The following RMND5B variants were observed in gnomAD, a reference collection of about 807,000 sequenced individuals.
RMND5B encodes the protein required for meiotic nuclear division 5 homolog B.
Under a neutral mutation model 50.4 loss-of-function variants are expected in RMND5B, and 42 were observed. The observed-to-expected ratio is 0.83, with a 90% confidence interval of 0.65 to 1.08. The LOEUF (loss-of-function observed/expected upper bound fraction) is 1.08. Among genes scored for constraint, RMND5B ranks in the 50% least tolerant of loss-of-function variants. The pLI is 0.00. For synonymous variants in RMND5B, 220 were observed against 210.0 expected (o/e 1.05, Z -0.41); for missense variants, 463 against 508.5 (o/e 0.91, Z 0.86).
intron 2 of RMND5B, among the ~76,000 whole-genome samples, chr5:178,136,877 G>A (rs1219341973): frequency 6.6e-6 from 1 of 152,182 alleles, no homozygotes; most frequent in South Asian, 2.1e-4. Flanking sequence ...GTAGGGAGAG[G>A]AGATAGGACA....
rs569540202 is a variant in RMND5B, at chr5:178,142,504, T to G, written c.140-79T>G. ...CCTCCTGGGCTACGGGGCTGGCATT[T>G]AGAATAGAGCTAAGGTCTGCTGCCA... On this transcript the variant is annotated intron_variant, in intron 3 of 10. Transcript: ENST00000313386. 3 of 1,494,964 alleles carry G rather than the reference T, an allele frequency of 2.0e-6. No individual in the cohort carries two copies. In the African/African-American group the frequency reaches 4.2e-5, roughly 21 times the overall value. The allele number at this position is 1,494,964 out of a possible 1,614,324, so 92.6% of individuals were successfully genotyped here. A position where few individuals can be genotyped will look rare whatever the true frequency, so the allele number is the denominator to read the frequency against.
chr5:178,142,190 G>T, intron 3 of RMND5B: 1 of 176,784 alleles, frequency 5.7e-6, no homozygotes, highest in Non-Finnish European at 1.2e-5. Flanking sequence ...ATTTCTTCTG[G>T]TATATCCTTC....
chr5:178,148,157 G>C lies in RMND5B; in HGVS notation c.*125G>C. Reference sequence around the variant, plus strand: ...GAGCGCCTGGCTGAGGAGTTCCACTGAGGGGAGCACTGGAGCAGCCCTTTG... The same window carrying C: ...GAGCGCCTGGCTGAGGAGTTCCACTCAGGGGAGCACTGGAGCAGCCCTTTG... On this transcript the variant is annotated 3_prime_UTR_variant, in exon 11 of 11. Coordinates refer to ENST00000313386, the MANE Select transcript of RMND5B (RefSeq NM_022762.5). 1 of 917,872 alleles carries C rather than the reference G, an allele frequency of 1.1e-6. No homozygotes were observed. Among genetic ancestry groups the C allele is most frequent in the Non-Finnish European group, 1.7e-6 (1 of 574,834 alleles). 56.9% of individuals were successfully genotyped at this position (917,872 alleles called of 1,614,324 possible).
Position 178,150,400 on chromosome 5 carries a change from A to G in RMND5B, c.*2368A>G. ...CCAGCCTCTATTTTTTTTTTTTGAG[A>G]CAGGGCCTCACTCTGTCATGCAGTC... On this transcript the variant is annotated 3_prime_UTR_variant, in exon 11 of 11. Transcript: ENST00000313386. 1 of 253,440 alleles carries G rather than the reference A, an allele frequency of 3.9e-6. No homozygotes were observed. 15.7% of individuals were successfully genotyped at this position (253,440 alleles called of 1,614,324 possible). A position where few individuals can be genotyped will look rare whatever the true frequency, so the allele number is the denominator to read the frequency against.
Position 178,138,270 on chromosome 5 carries a change from C to G in RMND5B, c.139+12C>G. On this transcript the variant is annotated intron_variant, in intron 3 of 10. Coordinates refer to ENST00000313386, the MANE Select transcript of RMND5B (RefSeq NM_022762.5). The surrounding 1 kb of genome is among the most constrained non-coding windows in gnomAD (Gnocchi z 5.1). ...GCTGGCCAGCGCAGGTGGGTGGCCA[C>G]CCTTGCAAGTGCCCTGCGACAGCCT... 1 of 1,611,822 alleles carries G rather than the reference C, an allele frequency of 6.2e-7. No individual in the cohort carries two copies. Among genetic ancestry groups the G allele is most frequent in the African/African-American group, 1.3e-5 (1 of 74,990 alleles).
rs746899166 is a variant in RMND5B at position 178,144,004 on chromosome 5, A to T, written c.590A>T (p.His197Leu). 3.3e-5 allele frequency: 54 copies of T among 1,614,126 alleles called. No homozygotes were observed. Among genetic ancestry groups the T allele is most frequent in the Non-Finnish European group, 4.4e-5 (52 of 1,180,038 alleles). Residue 197 changes from histidine to leucine, a missense_variant, in exon 7 of 11, where the codon CAC (histidine) becomes CTC (leucine). Transcript: ENST00000313386. ...AACAGCTCCCTGGAGTTCAAGCTGC[A>T]CCGACTGCACTTCATCCGCCTCTTG... ...ELNSSLEFKL[H>L]RLHFIRLLAG...
rs1758682332 is a variant in RMND5B at position 178,137,536 on chromosome 5, T to G, written c.-12-572T>G. On this transcript the variant is annotated intron_variant, in intron 2 of 10. Transcript: ENST00000313386. This position sits in a 1 kb window ranked among gnomAD's most constrained non-coding sequence, Gnocchi z 4.4. ...GACCCGTCTCTACGAAAAAAAATTT[T>G]AAATTAGACAGGTGTAGAAGCACAC... Among the ~76,000 whole-genome samples the G allele has an allele frequency of 6.6e-6, 1 of 151,966 alleles. No homozygotes were observed. The highest frequency in any genetic ancestry group is 1.9e-4 in the East Asian group (1 of 5,156).
At chr5:178,147,346 TAG>T (rs1756067238) in intron 8 of RMND5B, 185 bp from the exon 9 acceptor site, 1 of 599,382 alleles carries the variant, frequency 1.7e-6, no homozygotes, top group Non-Finnish European at 3.0e-6. Flanking sequence ...AATGAGTCTG[TAG>T]AGTCAGACAT....
chr5:178,135,291 A>T, intron 2 of RMND5B: 1 of 222,046 alleles, frequency 4.5e-6, no homozygotes, highest in South Asian at 4.1e-5. Flanking sequence ...CTGGGACCAC[A>T]GGCGTGTGCC....
intron 7 of RMND5B, 53 bp from the exon 8 acceptor site, chr5:178,146,061 G>T: frequency 2.5e-6 from 4 of 1,589,068 alleles, no homozygotes; most frequent in Non-Finnish European, 3.4e-6. Flanking sequence ...CCCGCTTGGG[G>T]GTGGACCCAG....
chr5:178,135,091 T>G (rs1047607634), intron 2 of RMND5B: 1 of 156,286 alleles, frequency 6.4e-6, no homozygotes, highest in Non-Finnish European at 1.4e-5. Context: ...GTCCCTATTC[T>G]TCCCCTCTCT....
rs776704717 is a variant in RMND5B at position 178,148,072 on chromosome 5, C to T, written c.*40C>T. ...GAATTTTGTTGAAAGGGGTTTTCAC[C>T]TGTGAGCCTTGGTCTGTCTCGGTAG... On this transcript the variant is annotated 3_prime_UTR_variant, in exon 11 of 11. Coordinates refer to ENST00000313386, the MANE Select transcript of RMND5B (RefSeq NM_022762.5). The T allele has an allele frequency of 4.4e-6, 7 of 1,595,388 alleles. No homozygotes were observed. The highest frequency in any genetic ancestry group is 6.0e-6 in the Non-Finnish European group (7 of 1,163,096).
At position 178,138,660 on chromosome 5, in the gene RMND5B, G is replaced by A. The variant is rs1430122854; in HGVS notation, c.139+402G>A. ...ATTATATGCGTGAGCCACCATGCCT[G>A]GCCTATTTTTAGCTTTTAAGATTTT... On this transcript the variant is annotated intron_variant, in intron 3 of 10. Coordinates refer to ENST00000313386, the MANE Select transcript of RMND5B (RefSeq NM_022762.5). This position sits in a 1 kb window ranked among gnomAD's most constrained non-coding sequence, Gnocchi z 5.1. Among the ~76,000 whole-genome samples, 1 of 151,500 alleles carries A rather than the reference G, an allele frequency of 6.6e-6. No individual in the cohort carries two copies. The highest frequency in any genetic ancestry group is 1.5e-5 in the Non-Finnish European group (1 of 67,926).
intron 2 of RMND5B, among the ~76,000 whole-genome samples, chr5:178,132,853 T>G (rs979907418): frequency 2.3e-4 from 32 of 138,050 alleles, no homozygotes; most frequent in East Asian, 1.3e-3. Flanking sequence ...CTAATCTTTT[T>G]TTTTTGTTTT....
chr5:178,147,586 T>C lies in RMND5B; in HGVS notation c.914T>C (p.Ile305Thr). The change falls in exon 9 of 11, where the codon ATT (isoleucine) becomes ACT (threonine). Residue 305 changes from isoleucine (I) to threonine (T), a missense_variant. Ile to Thr is a moderately conservative substitution (Grantham distance 89, BLOSUM62 -1). Coordinates refer to ENST00000313386, the MANE Select transcript of RMND5B (RefSeq NM_022762.5). ...LPVLMNIKAV[I>T]EQRQCTGVWN... ...GTGTTGATGAACATCAAGGCTGTGA[T>C]TGAGCAGCGGCAGTGCACTGGGGTC... is the stretch of plus-strand genomic sequence containing the variant. The C allele has an allele frequency of 1.9e-6, 3 of 1,614,184 alleles. No individual in the cohort carries two copies. The highest frequency in any genetic ancestry group is 8.5e-7 in the Non-Finnish European group (1 of 1,180,030).
At position 178,143,723 on chromosome 5, in the gene RMND5B, T is replaced by C. The variant is rs769134484; in HGVS notation, c.523T>C (p.Leu175=). The C allele has an allele frequency of 6.2e-7, 1 of 1,612,680 alleles. No individual in the cohort carries two copies. The highest frequency in any genetic ancestry group is 8.5e-7 in the Non-Finnish European group (1 of 1,178,646). Reference sequence around the variant, plus strand: ...GCACGAACAAGACCTGGGTCCTGCGTTGGAGTAAGGAGGCCCTTGGGTGGG... The same window carrying C: ...GCACGAACAAGACCTGGGTCCTGCGCTGGAGTAAGGAGGCCCTTGGGTGGG... The part of the protein sequence containing the change: ...ALHEQDLGPA[L]EWAVSHRQRL... Residue 175 remains leucine (L), a synonymous_variant, in exon 6 of 11, where the codon TTG becomes CTG. Coordinates refer to ENST00000313386, the MANE Select transcript of RMND5B (RefSeq NM_022762.5).
intron 7 of RMND5B, among the ~76,000 whole-genome samples, chr5:178,144,654 C>T (rs13175750): frequency 0.19 from 27,824 of 150,000 alleles, 2,808 homozygotes; most frequent in East Asian, 0.27. Flanking sequence ...TGGCATGAAC[C>T]CGGGAGGCGG....
rs1000188177 is a variant in RMND5B at position 178,150,382 on chromosome 5, CTATT to C, written c.*2352_*2355del. 2 of 258,324 alleles carry C rather than the reference CTATT, an allele frequency of 7.7e-6. No individual in the cohort carries two copies. Among genetic ancestry groups the C allele is most frequent in the South Asian group, 3.8e-5 (1 of 26,228 alleles). The allele number at this position is 258,324 out of a possible 1,614,324, so 16.0% of individuals were successfully genotyped here. Reference sequence around the variant, plus strand: ...GGTACCCAAGATCCACCCCCAGCCTCTATTTTTTTTTTTTGAGACAGGGCCTCAC... The same window carrying C: ...GGTACCCAAGATCCACCCCCAGCCTCTTTTTTTTTTGAGACAGGGCCTCAC... On this transcript the variant is annotated 3_prime_UTR_variant, in exon 11 of 11. Transcript: ENST00000313386.
chr5:178,132,627 G>T (rs78176649), intron 2 of RMND5B, among the ~76,000 whole-genome samples: 2,873 of 151,844 alleles, frequency 0.019, 90 homozygotes, highest in African/African-American at 0.066. Flanking sequence ...TTCTTGGGGT[G>T]GGGGGCTGAG....
Sources: gnomAD v4.1 joint callset for allele counts (sites outside exome capture counted in the v4.1 genomes callset) on GRCh38, gnomAD v4.1.1 for gene constraint, Gnocchi (gnomAD v3.1) non-coding constraint, MANE v1.5 for transcripts, NCBI Gene and HGNC (gene_info 2026-07-23, HGNC 2026-07-21) for gene names.